RNF216: variants seen among roughly 807,000 people sequenced by gnomAD.
RNF216 encodes the protein E3 ubiquitin-protein ligase RNF216.
In RNF216, 72 loss-of-function variants were observed where a neutral mutation model predicts 110.8. That is an observed-to-expected ratio of 0.65 (90% CI 0.54 to 0.79). RNF216 has a LOEUF of 0.79. Among genes scored for constraint, RNF216 ranks in the 30% least tolerant of loss-of-function variants. The pLI is 0.00. For missense variants in RNF216, 1,342 were observed against 1,141.2 expected, an observed-to-expected ratio of 1.18 and a Z score of -2.54; for synonymous variants, 495 against 407.5, an observed-to-expected ratio of 1.21 and a Z score of -2.59.
At chr7:5,758,431 A>G (rs1227490884) in intron 2 of RNF216, among the ~76,000 whole-genome samples, 1 of 152,210 alleles carries the variant, frequency 6.6e-6, no homozygotes, top group African/African-American at 2.4e-5. Flanking sequence ...ATGCTCTGAA[A>G]GCCAAATACA....
intron 11 of RNF216, chr7:5,713,407 G>A (rs1792841495): frequency 6.6e-6 from 1 of 152,562 alleles, no homozygotes; most frequent in African/African-American, 2.4e-5. Context: ...GAGGAGAGCA[G>A]AGCTGAGGGG....
At position 5,752,892 on chromosome 7, in the gene RNF216, TGAG is replaced by T. The variant is rs751265210; in HGVS notation, c.152_154del (p.Pro51del). On this transcript the variant is annotated inframe_deletion, in exon 3 of 17. Coordinates refer to ENST00000389902, the MANE Select transcript of RNF216 (RefSeq NM_207111.4). ...ATCCAGGTCCTCTTCTTCATGCTGC[TGAG>T]GAGCTGGGGTGACCAGCATTGGAAT... 15 of 1,612,642 alleles carry T rather than the reference TGAG, an allele frequency of 9.3e-6. No homozygotes were observed. In the South Asian group the frequency reaches 1.4e-4, roughly 15 times the overall value.
At position 5,620,677 on chromosome 7, in the gene RNF216, C is replaced by T. The variant is rs575141728; in HGVS notation, c.*2183G>A. Reference sequence around the variant, plus strand: ...GGAACTCCTCTCAAATGACCCACCCCTGGGGTTTGGCCTTAGGAGAAACAT... The same window carrying T: ...GGAACTCCTCTCAAATGACCCACCCTTGGGGTTTGGCCTTAGGAGAAACAT... On this transcript the variant is annotated 3_prime_UTR_variant, in exon 17 of 17. Coordinates refer to ENST00000389902, the MANE Select transcript of RNF216 (RefSeq NM_207111.4). The T allele has an allele frequency of 1.3e-5, 2 of 152,388 alleles. No individual in the cohort carries two copies. The highest frequency in any genetic ancestry group is 4.8e-5 in the African/African-American group (2 of 41,462). 9.4% of individuals were successfully genotyped at this position (152,388 alleles called of 1,614,324 possible). A position where few individuals can be genotyped will look rare whatever the true frequency, so the allele number is the denominator to read the frequency against.
At chr7:5,631,515 C>T (rs1787069446) in intron 15 of RNF216, among the ~76,000 whole-genome samples, 1 of 152,206 alleles carries the variant, frequency 6.6e-6, no homozygotes, top group Non-Finnish European at 1.5e-5. Flanking sequence ...TGGTCCATCT[C>T]AAAGGCAGAA....
chr7:5,744,022 T>C (rs1473344507), intron 3 of RNF216, among the ~76,000 whole-genome samples: 1 of 152,134 alleles, frequency 6.6e-6, no homozygotes, highest in Non-Finnish European at 1.5e-5. Context: ...AAGAACTTAA[T>C]GCAGCAACAG....
rs181522383 is a variant in RNF216, at chr7:5,680,744, A to G, written c.2062-28234T>C. 1.3e-5 allele frequency among the ~76,000 whole-genome samples: 2 copies of G among 152,002 alleles called. No individual in the cohort carries two copies. The highest frequency in any genetic ancestry group is 2.9e-5 in the Non-Finnish European group (2 of 67,974). ...GATATCTAAAAGGCACCCCAGACAAAAGATGTCTGAAGCACCACTTCTGGC... is the reference window on the plus strand; with the variant it reads ...GATATCTAAAAGGCACCCCAGACAAGAGATGTCTGAAGCACCACTTCTGGC... On this transcript the variant is annotated intron_variant, in intron 13 of 16. Coordinates refer to ENST00000389902, the MANE Select transcript of RNF216 (RefSeq NM_207111.4). The surrounding 1 kb of genome is among the most constrained non-coding windows in gnomAD (Gnocchi z 4.3).
chr7:5,689,500 T>C (rs1022913157), intron 13 of RNF216, among the ~76,000 whole-genome samples: 1 of 150,254 alleles, frequency 6.7e-6, no homozygotes, highest in African/African-American at 2.4e-5. Flanking sequence ...GGCCATTTTC[T>C]AAAAAAAAAC....
chr7:5,628,407 T>C (rs957731945), intron 15 of RNF216, among the ~76,000 whole-genome samples: 1 of 152,238 alleles, frequency 6.6e-6, no homozygotes, highest in Non-Finnish European at 1.5e-5. Flanking sequence ...TGTCTCCAAC[T>C]GGCTAGAGTC....
chr7:5,717,790 A>T (rs1416224612), intron 9 of RNF216, among the ~76,000 whole-genome samples: 1 of 152,104 alleles, frequency 6.6e-6, no homozygotes, highest in Non-Finnish European at 1.5e-5. Flanking sequence ...GGATTACATT[A>T]AATTATTTAT....
Position 5,696,045 on chromosome 7 carries a change from C to T in RNF216, c.2061+15716G>A, listed in dbSNP as rs528940270. Among the ~76,000 whole-genome samples, 1 of 152,238 alleles carries T rather than the reference C, an allele frequency of 6.6e-6. No individual in the cohort carries two copies. Among genetic ancestry groups the T allele is most frequent in the African/African-American group, 2.4e-5 (1 of 41,534 alleles). On this transcript the variant is annotated intron_variant, in intron 13 of 16. Coordinates refer to ENST00000389902, the MANE Select transcript of RNF216 (RefSeq NM_207111.4). The surrounding 1 kb of genome is among the most constrained non-coding windows in gnomAD (Gnocchi z 5.4). ...GAAGGAGGGGCTGTGGCTCTCAGCA[C>T]AACCCAGCACGGCCTTGATCCCTGA...
chr7:5,713,562 C>T (rs951014857), intron 11 of RNF216: 10 of 152,336 alleles, frequency 6.6e-5, no homozygotes, highest in Admixed American at 3.9e-4. Flanking sequence ...AGGTAAGAGA[C>T]TTCAGAGCCA....
intron 5 of RNF216, among the ~76,000 whole-genome samples, chr7:5,738,732 AT>A (rs745646917): frequency 1.7e-4 from 21 of 120,068 alleles, no homozygotes; most frequent in South Asian, 2.6e-4. Context: ...AAAAAAAAAA[AT>A]GCTTCCATGT....
At chr7:5,736,318 C>T (rs1040275558) in intron 5 of RNF216, among the ~76,000 whole-genome samples, 14 of 152,188 alleles carry the variant, frequency 9.2e-5, no homozygotes, top group African/African-American at 3.1e-4. Flanking sequence ...GATGGGGTTT[C>T]GCTGTGTTGG....
At chr7:5,760,125 T>C (rs1795854562) in intron 2 of RNF216, among the ~76,000 whole-genome samples, 2 of 152,182 alleles carry the variant, frequency 1.3e-5, no homozygotes, top group South Asian at 2.1e-4. Flanking sequence ...TAAATGTGAA[T>C]TCGAATTTAA....
intron 4 of RNF216, among the ~76,000 whole-genome samples, chr7:5,740,149 TAG>T (rs1413168252): frequency 9.2e-5 from 11 of 119,796 alleles, no homozygotes; most frequent in African/African-American, 3.7e-4. Context: ...TTTTGTGAGA[TAG>T]AGTCTCACTC....
chr7:5,648,348 C>A (rs974750623), intron 14 of RNF216, among the ~76,000 whole-genome samples: 1 of 151,658 alleles, frequency 6.6e-6, no homozygotes, highest in African/African-American at 2.4e-5. Flanking sequence ...CTCAGGTGAT[C>A]CGCCTGCCTC....
intron 11 of RNF216, among the ~76,000 whole-genome samples, chr7:5,714,003 T>G (rs1792884459): frequency 6.6e-6 from 1 of 152,108 alleles, no homozygotes; most frequent in Admixed American, 6.5e-5. Context: ...AACATAAACT[T>G]TATTTATTTA....
At chr7:5,623,871 G>A (rs1023092365) in intron 16 of RNF216, among the ~76,000 whole-genome samples, 185 bp downstream of exon 16, 28 of 152,166 alleles carry the variant, frequency 1.8e-4, no homozygotes, top group African/African-American at 5.8e-4. Context: ...TATTCAAGGC[G>A]TTGAAGGCCT....
At chr7:5,642,032 T>TAAAAAAAAAAAAAAAAAAAA (rs1201078083) in intron 14 of RNF216, among the ~76,000 whole-genome samples, 4 of 98,476 alleles carry the variant, frequency 4.1e-5, no homozygotes, top group East Asian at 3.2e-4. Context: ...GACTCTATCT[T>TAAAAAAAAAAAAAAAAAAAA]AAAAAAAAAA....
Sources: gnomAD v4.1 joint callset for allele counts (sites outside exome capture counted in the v4.1 genomes callset) on GRCh38, gnomAD v4.1.1 for gene constraint, Gnocchi (gnomAD v3.1) non-coding constraint, MANE v1.5 for transcripts, NCBI Gene and HGNC (gene_info 2026-07-23, HGNC 2026-07-21) for gene names.